MYRFL: variants seen among roughly 807,000 people sequenced by gnomAD.
The protein encoded by MYRFL is myelin regulatory factor like.
Under a neutral mutation model 109.4 loss-of-function variants are expected in MYRFL, and 88 were observed. The ratio of observed to expected loss-of-function variants is 0.80; its 90% CI spans 0.68 to 0.96. MYRFL has a LOEUF of 0.96. Ranked by LOEUF, MYRFL falls within the 40% of genes least tolerant of loss-of-function variation. The pLI is 0.00. For missense variants in MYRFL, 957 were observed against 954.9 expected, an observed-to-expected ratio of 1.00 and a Z score of -0.03; for synonymous variants, 324 against 320.9, an observed-to-expected ratio of 1.01 and a Z score of -0.10.
rs767290568 is a variant in MYRFL, at chr12:69,886,849, C to T, written c.586C>T (p.Gln196Ter). The T allele has an allele frequency of 9.1e-6, 14 of 1,535,808 alleles. No homozygotes were observed. The African/African-American group carries it at 1.5e-4, about 17-fold the overall frequency. Residue 196 changes from glutamine (Q) to a stop codon, truncating the protein, a stop_gained, in exon 6 of 25, where the codon CAG becomes TAG. Coordinates refer to ENST00000552032, the MANE Select transcript of MYRFL (RefSeq NM_182530.3). LOFTEE classifies it high-confidence loss of function. ...AAGTAGGAGTCGCAGCAGTGAAGTC[C>T]AGGACCCTGACAGTGAGGGACAGAA... ...MTSRSRSSEV[Q>*]DPDSEGQNRM... is the part of the protein sequence containing the mutation.
chr12:69,958,465 T>G lies in MYRFL; in HGVS notation c.2667T>G (p.Thr889=), dbSNP rs1451428658. 1 of 1,534,964 alleles carries G rather than the reference T, an allele frequency of 6.5e-7. No homozygotes were observed. Among genetic ancestry groups the G allele is most frequent in the Admixed American group, 2.0e-5 (1 of 50,916 alleles). ...GACAGGATTTAGCTGACTGTTCAACTGATCCTTATTTTGCTGGGATATTCT... is the reference window on the plus strand; with the variant it reads ...GACAGGATTTAGCTGACTGTTCAACGGATCCTTATTTTGCTGGGATATTCT... The part of the protein sequence containing the change: ...VAAPDLADCS[T]DPYFAGIFFT... Residue 889 remains threonine (T), a synonymous_variant, in exon 25 of 25, where the codon ACT becomes ACG. Transcript: ENST00000552032.
chr12:69,859,360 G>A (rs1358530352), intron 2 of MYRFL, among the ~76,000 whole-genome samples: 3 of 152,120 alleles, frequency 2.0e-5, no homozygotes, highest in Non-Finnish European at 2.9e-5. Context: ...GGTCAAGTTG[G>A]TTGACATTCT....
chr12:69,837,305 A>G (rs1173136846), intron 1 of MYRFL, among the ~76,000 whole-genome samples: 3 of 152,068 alleles, frequency 2.0e-5, no homozygotes, highest in Non-Finnish European at 4.4e-5. Context: ...ACCCCTAGCC[A>G]TTGTATAATT....
intron 18 of MYRFL, 25 bp from the exon 19 acceptor site, chr12:69,936,428 C>A (rs1019004011): frequency 6.5e-7 from 1 of 1,530,838 alleles, no homozygotes; most frequent in African/African-American, 1.4e-5. Flanking sequence ...CTTGCTTCCC[C>A]TCCCCCCTGC....
At chr12:69,880,619 G>C (rs1468999985) in intron 5 of MYRFL, among the ~76,000 whole-genome samples, 1 of 152,246 alleles carries the variant, frequency 6.6e-6, no homozygotes, top group Non-Finnish European at 1.5e-5. Flanking sequence ...GAGCCTGCTG[G>C]TGTGCCCATT....
chr12:69,868,094 GTTTCTTTTTTT>G (rs921856622), intron 2 of MYRFL, among the ~76,000 whole-genome samples: 3 of 149,436 alleles, frequency 2.0e-5, no homozygotes, highest in Non-Finnish European at 4.4e-5. Flanking sequence ...TCAAGCCTCG[GTTTCTTTTTTT>G]TTTCTTTTTT....
chr12:69,839,503 AT>A (rs924576912), intron 1 of MYRFL, among the ~76,000 whole-genome samples: 14 of 152,224 alleles, frequency 9.2e-5, no homozygotes, highest in African/African-American at 2.9e-4. Flanking sequence ...TTCTTCTGCT[AT>A]TTTTTACAAT....
chr12:69,899,463 A>T (rs994139008), intron 10 of MYRFL, among the ~76,000 whole-genome samples: 1 of 152,224 alleles, frequency 6.6e-6, no homozygotes, highest in Non-Finnish European at 1.5e-5. Flanking sequence ...AAAGAGCCAG[A>T]TGTGGCCTCT....
At chr12:69,827,112 T>C (rs757396943) in intron 1 of MYRFL, among the ~76,000 whole-genome samples, 10 of 152,082 alleles carry the variant, frequency 6.6e-5, no homozygotes, top group Non-Finnish European at 1.3e-4. Context: ...ATTGATATGT[T>C]AACTGTTTCT....
At chr12:69,957,703 G>A in intron 22 of MYRFL, 119 bp from the exon 23 acceptor site, 1 of 1,251,338 alleles carries the variant, frequency 8.0e-7, no homozygotes, top group Non-Finnish European at 1.1e-6. Flanking sequence ...TGCCTATTGT[G>A]AACTTTGAAT....
At chr12:69,895,280 T>A in intron 8 of MYRFL, 91 bp from the exon 9 acceptor site, 1 of 937,078 alleles carries the variant, frequency 1.1e-6, no homozygotes. Flanking sequence ...GAACCAAGCA[T>A]AGATGAGAGT....
intron 1 of MYRFL, among the ~76,000 whole-genome samples, chr12:69,829,453 T>C (rs2136312560): frequency 6.6e-6 from 1 of 152,198 alleles, no homozygotes; most frequent in East Asian, 1.9e-4. Flanking sequence ...GTGGGATTAA[T>C]CTAGAAGGGC....
rs1956145678 is a variant in MYRFL at position 69,958,490 on chromosome 12, T to C, written c.2692T>C (p.Phe898Leu). 6.5e-7 allele frequency: 1 copy of C among 1,535,544 alleles called. No homozygotes were observed. Among genetic ancestry groups the C allele is most frequent in the Admixed American group, 2.0e-5 (1 of 50,936 alleles). Residue 898 changes from phenylalanine to leucine, a missense_variant, in exon 25 of 25, where the codon TTC becomes CTC. By Grantham distance (22) the Phe-to-Leu change is conservative (BLOSUM62 0). Transcript: ENST00000552032. ...STDPYFAGIF[F>L]TDYFFYFYRR... Reference sequence around the variant, plus strand: ...TGATCCTTATTTTGCTGGGATATTCTTCACCGATTACTTCTTTTACTTCTA... The same window carrying C: ...TGATCCTTATTTTGCTGGGATATTCCTCACCGATTACTTCTTTTACTTCTA...
intron 19 of MYRFL, among the ~76,000 whole-genome samples, 193 bp downstream of exon 19, chr12:69,936,825 A>C (rs553714615): frequency 3.9e-5 from 6 of 152,358 alleles, no homozygotes; most frequent in African/African-American, 1.4e-4. Context: ...CAGGAATGAA[A>C]TTTTGGTTGA....
intron 15 of MYRFL, among the ~76,000 whole-genome samples, chr12:69,929,218 AG>A (rs1955193706): frequency 6.6e-6 from 1 of 152,218 alleles, no homozygotes; most frequent in Non-Finnish European, 1.5e-5. Flanking sequence ...GTGCGGTCCC[AG>A]GGTCAGGGAC....
At chr12:69,825,775 A>G (rs1882237331) in intron 1 of MYRFL, among the ~76,000 whole-genome samples, 1 of 152,106 alleles carries the variant, frequency 6.6e-6, no homozygotes, top group Admixed American at 6.6e-5. Context: ...CAGGATTTTC[A>G]TCTTATAGTT....
chr12:69,866,882 A>G (rs1347483097), intron 2 of MYRFL, among the ~76,000 whole-genome samples: 1 of 152,236 alleles, frequency 6.6e-6, no homozygotes, highest in Non-Finnish European at 1.5e-5. Context: ...CTTAAACAAA[A>G]TTACATGAGT....
At chr12:69,876,307 T>A (rs1885657803) in intron 2 of MYRFL, among the ~76,000 whole-genome samples, 1 of 152,204 alleles carries the variant, frequency 6.6e-6, no homozygotes, top group Non-Finnish European at 1.5e-5. Context: ...TCTCCAAGTT[T>A]CAGTGCCCAC....
intron 19 of MYRFL, among the ~76,000 whole-genome samples, chr12:69,947,638 T>C (rs1955873707): frequency 1.4e-4 from 22 of 152,238 alleles, no homozygotes; most frequent in Admixed American, 1.4e-3. Context: ...TATGGAATTC[T>C]ATAGAATATA....
Sources: gnomAD v4.1 joint callset for allele counts (sites outside exome capture counted in the v4.1 genomes callset) on GRCh38, gnomAD v4.1.1 for gene constraint, MANE v1.5 for transcripts, NCBI Gene and HGNC (gene_info 2026-07-23, HGNC 2026-07-21) for gene names.